Variants in MYO18A observed in about 807,000 individuals in gnomAD.
The protein encoded by MYO18A is myosin XVIIIA.
MYO18A carries 78 observed loss-of-function variants against 235.8 expected under a neutral mutation model. The observed-to-expected ratio is 0.33, with a 90% CI of 0.28 to 0.40. The LOEUF (loss-of-function observed/expected upper bound fraction) is 0.40, where lower values mean the gene tolerates loss of function less well. MYO18A is among the 10% of genes least tolerant of loss of function. The pLI is 1.00. For missense variants in MYO18A, 2,215 were observed against 2,699.3 expected, an observed-to-expected ratio of 0.82 and a Z score of 3.98; for synonymous variants, 977 against 1,077.8, an observed-to-expected ratio of 0.91 and a Z score of 1.83.
intron 2 of MYO18A, among the ~76,000 whole-genome samples, chr17:29,154,269 G>A (rs756360508): frequency 5.3e-5 from 8 of 152,140 alleles, no homozygotes; most frequent in Admixed American, 1.3e-4. Context: ...TGGGAGAGGC[G>A]TGTAGACAGG....
chr17:29,112,085 A>G (rs1245353998), intron 15 of MYO18A, among the ~76,000 whole-genome samples: 2 of 152,212 alleles, frequency 1.3e-5, no homozygotes, highest in Admixed American at 1.3e-4. Context: ...GCCCACAGCA[A>G]AAGAGGGTGC....
rs1442378277 is a variant in MYO18A, at chr17:29,121,676, C to T, written c.1242G>A (p.Val414=). The part of the protein sequence containing the change: ...CDRLEDLASL[V]YLNESSVLHT... Reference sequence around the variant, plus strand: ...GCAGGACGCTGGACTCATTGAGGTACACCAGTGAGGCCAGATCCTCCAGAC... The same window carrying T: ...GCAGGACGCTGGACTCATTGAGGTATACCAGTGAGGCCAGATCCTCCAGAC... Residue 414 remains valine, a synonymous_variant, in exon 5 of 42, where the codon GTG becomes GTA. Coordinates refer to ENST00000527372, the MANE Select transcript of MYO18A (RefSeq NM_078471.4). The surrounding 1 kb of genome is among the most constrained non-coding windows in gnomAD (Gnocchi z 4.2). 1.3e-6 allele frequency: 2 copies of T among 1,564,674 alleles called. No homozygotes were observed. Among genetic ancestry groups the T allele is most frequent in the East Asian group, 2.4e-5 (1 of 41,774 alleles).
At chr17:29,128,213 G>A (rs893337045) in intron 2 of MYO18A, 12 of 1,152,722 alleles carry the variant, frequency 1.0e-5, no homozygotes, top group African/African-American at 6.7e-5. Context: ...AGGGGGTGGC[G>A]GCTTGGGACT....
At chr17:29,107,026 C>T in intron 20 of MYO18A, 54 bp downstream of exon 20, 1 of 1,534,326 alleles carries the variant, frequency 6.5e-7, no homozygotes, top group Non-Finnish European at 9.0e-7. Context: ...CTGGAAAGGG[C>T]AGCTGCTTGA....
chr17:29,124,211 A>G (rs1263023581), intron 2 of MYO18A, among the ~76,000 whole-genome samples: 1 of 152,176 alleles, frequency 6.6e-6, no homozygotes, highest in East Asian at 1.9e-4. Flanking sequence ...CTTAAAGCTC[A>G]TCTGAAAATG....
intron 2 of MYO18A, among the ~76,000 whole-genome samples, chr17:29,133,407 C>T (rs2067520768): frequency 6.6e-6 from 1 of 152,230 alleles, no homozygotes; most frequent in Admixed American, 6.5e-5. Flanking sequence ...GGCCCCTTGT[C>T]CTCCTAACCC....
At position 29,115,667 on chromosome 17, in the gene MYO18A, T is replaced by A; in HGVS notation, c.2224A>T (p.Thr742Ser). The change falls in exon 12 of 42, where the codon ACA becomes TCA. Residue 742 changes from threonine to serine, a missense_variant. Thr to Ser is a moderately conservative substitution (Grantham distance 58). Transcript: ENST00000527372. The part of the protein sequence containing the change: ...GPEESGLGDG[T>S]GPKLSALECL... Reference sequence around the variant, plus strand: ...CCAGCCAAGGGACAAAGGGTACCTGTCCCATCTCCCAGGCCACTCTCCTCG... The same window carrying A: ...CCAGCCAAGGGACAAAGGGTACCTGACCCATCTCCCAGGCCACTCTCCTCG... 1 of 1,598,470 alleles carries A rather than the reference T, an allele frequency of 6.3e-7. No individual in the cohort carries two copies. The highest frequency in any genetic ancestry group is 8.5e-7 in the Non-Finnish European group (1 of 1,173,584).
chr17:29,170,702 TA>T (rs1284435226), intron 1 of MYO18A, among the ~76,000 whole-genome samples: 2 of 152,212 alleles, frequency 1.3e-5, no homozygotes, highest in Non-Finnish European at 2.9e-5. Context: ...TGGACCCGAA[TA>T]ATCTTGCTCT....
chr17:29,131,516 C>T (rs2067473793), intron 2 of MYO18A: 1 of 767,212 alleles, frequency 1.3e-6, no homozygotes, highest in African/African-American at 1.9e-5. Context: ...AGGGAGAGAA[C>T]ATTCAAGGGG....
Position 29,122,266 on chromosome 17 carries a change from G to A in MYO18A, c.1000-13C>T, listed in dbSNP as rs1398247389. On this transcript the variant is annotated splice_polypyrimidine_tract_variant and intron_variant, in intron 2 of 41. Coordinates refer to ENST00000527372, the MANE Select transcript of MYO18A (RefSeq NM_078471.4). ...CTTCTGTTTTCGCCTGTCAGAGAGA[G>A]AGAAGAATAAACAGGCCCTGCTATG... The A allele has an allele frequency of 6.2e-7, 1 of 1,605,998 alleles. No individual in the cohort carries two copies. Among genetic ancestry groups the A allele is most frequent in the Non-Finnish European group, 8.5e-7 (1 of 1,176,076 alleles).
chr17:29,074,900 C>T lies in MYO18A; in HGVS notation c.6035G>A (p.Trp2012Ter). Residue 2012 changes from tryptophan (W) to a stop codon, truncating the protein, a stop_gained, in exon 42 of 42, where the codon TGG becomes TAG. Coordinates refer to ENST00000527372, the MANE Select transcript of MYO18A (RefSeq NM_078471.4). LOFTEE classifies it high-confidence loss of function. This position sits in a 1 kb window ranked among gnomAD's most constrained non-coding sequence, Gnocchi z 4.4. ...SLKSSSPTSY[W>*]KSLAPDRSDD... is the part of the protein sequence containing the mutation. ...TGACCGATCAGGGGCAAGGGACTTC[C>T]AGTAGCTGGTGGGGCTGCAGGGACC... 6.2e-7 allele frequency: 1 copy of T among 1,613,922 alleles called. No homozygotes were observed. Among genetic ancestry groups the T allele is most frequent in the Non-Finnish European group, 8.5e-7 (1 of 1,179,864 alleles).
intron 2 of MYO18A, among the ~76,000 whole-genome samples, chr17:29,137,390 A>G (rs749978435): frequency 6.6e-6 from 1 of 152,248 alleles, no homozygotes; most frequent in Non-Finnish European, 1.5e-5. Flanking sequence ...TCCCAGGGAC[A>G]TGGTACAAAC....
At chr17:29,122,303 C>G (rs181972280) in intron 2 of MYO18A, 50 bp from the exon 3 acceptor site, 2 of 1,540,524 alleles carry the variant, frequency 1.3e-6, no homozygotes, top group Non-Finnish European at 1.8e-6. Flanking sequence ...AAGACAGGGA[C>G]AAGGACAGCC....
intron 2 of MYO18A, among the ~76,000 whole-genome samples, chr17:29,159,189 G>C (rs2068120875): frequency 6.6e-6 from 1 of 152,150 alleles, no homozygotes; most frequent in Admixed American, 6.5e-5. Context: ...TCCAAGGACA[G>C]AGAAGGGAGC....
At position 29,125,640 on chromosome 17, in the gene MYO18A, C is replaced by T. The variant is rs1438713549; in HGVS notation, c.1000-3387G>A. Among the ~76,000 whole-genome samples the T allele has an allele frequency of 6.6e-6, 1 of 152,222 alleles. No individual in the cohort carries two copies. Among genetic ancestry groups the T allele is most frequent in the Admixed American group, 6.5e-5 (1 of 15,282 alleles). ...TGTCCTCGAGGCAGGACAATGTGGC[C>T]AGAGAAAGGGACTGGGCCCTGAGCG... On this transcript the variant is annotated intron_variant, in intron 2 of 41. Coordinates refer to ENST00000527372, the MANE Select transcript of MYO18A (RefSeq NM_078471.4). The surrounding 1 kb of genome is among the most constrained non-coding windows in gnomAD (Gnocchi z 5.1).
intron 2 of MYO18A, among the ~76,000 whole-genome samples, chr17:29,150,390 G>A (rs1233617732): frequency 6.6e-6 from 1 of 152,244 alleles, no homozygotes; most frequent in Non-Finnish European, 1.5e-5. Context: ...TCCTTGGCGA[G>A]GAAAGGAAGC....
chr17:29,080,139 TCGCTCCGGGGGGTCCAGTTGGG>T (rs1360582245), intron 41 of MYO18A: 1 of 985,812 alleles, frequency 1.0e-6, no homozygotes, highest in Non-Finnish European at 1.2e-6. Context: ...TGCTGGCAGC[TCGCTCCGGGGGGTCCAGTTGGG>T]CGCTCCGGGC....
At chr17:29,128,337 C>A in intron 2 of MYO18A, 1 of 1,271,868 alleles carries the variant, frequency 7.9e-7, no homozygotes, top group Non-Finnish European at 1.0e-6. Context: ...ACCTTACTCA[C>A]CACCTTCCTC....
At position 29,074,550 on chromosome 17, in the gene MYO18A, CAA is replaced by C. The variant is rs2065930387; in HGVS notation, c.*218_*219del. On this transcript the variant is annotated 3_prime_UTR_variant, in exon 42 of 42. Transcript: ENST00000527372. The surrounding 1 kb of genome is among the most constrained non-coding windows in gnomAD (Gnocchi z 4.4). ...AGTCTGGCATTTTGAGACAGAGGAG[CAA>C]AAAGTTCTCTTCAGAAACTCCTCTT... 3.3e-6 allele frequency: 2 copies of C among 600,532 alleles called. No individual in the cohort carries two copies. Among genetic ancestry groups the C allele is most frequent in the Non-Finnish European group, 6.0e-6 (2 of 334,120 alleles). 37.2% of individuals were successfully genotyped at this position (600,532 alleles called of 1,614,324 possible).
Sources: allele counts gnomAD v4.1 joint callset (sites outside exome capture counted in the v4.1 genomes callset), GRCh38; gene constraint gnomAD v4.1.1; non-coding constraint Gnocchi (gnomAD v3.1); transcripts MANE v1.5; gene names NCBI Gene and HGNC (gene_info 2026-07-23, HGNC 2026-07-21).